SLC17A1: variants seen among roughly 807,000 people sequenced by gnomAD.
SLC17A1 encodes solute carrier family 17 member 1.
SLC17A1 carries 51 observed loss-of-function variants against 53.5 expected under a neutral mutation model. That is an observed-to-expected ratio of 0.95 (90% CI 0.76 to 1.20). SLC17A1 has a LOEUF of 1.20. SLC17A1 is among the 50% of genes most tolerant of loss of function. SLC17A1 has a pLI of 0.00. For missense variants in SLC17A1, 538 were observed against 568.2 expected (o/e 0.95, Z 0.54); for synonymous variants, 179 against 198.8 (o/e 0.90, Z 0.84).
chr6:25,780,675 G>A (rs1036683259), downstream of SLC17A1: 1 of 152,208 alleles, frequency 6.6e-6, no homozygotes, highest in Admixed American at 6.6e-5. Flanking sequence ...GAAGTGTCCT[G>A]GTTTTCAAAG....
the SLC17A1 span, among the ~76,000 whole-genome samples, chr6:25,733,806 A>ATGTGTGTGTGTGTGTGTG: frequency 2.2e-5 from 3 of 133,988 alleles, no homozygotes; most frequent in African/African-American, 8.4e-5. Context: ...GTGTGTGTGT[A>ATGTGTGTGTGTGTGTGTG]TGTGTGTGTG....
intron 2 of SLC17A1, among the ~76,000 whole-genome samples, chr6:25,828,446 T>C (rs565053718): frequency 2.0e-4 from 31 of 152,160 alleles, no homozygotes; most frequent in Non-Finnish European, 7.3e-5. Context: ...TTTTTATATC[T>C]ATTGAGATAA....
the SLC17A1 span, among the ~76,000 whole-genome samples, chr6:25,773,071 T>C: frequency 6.6e-6 from 1 of 152,200 alleles, no homozygotes; most frequent in Non-Finnish European, 1.5e-5. Context: ...CTCCATGCCA[T>C]TGGCAAAAGC....
intron 6 of SLC17A1, among the ~76,000 whole-genome samples, chr6:25,817,997 A>G (rs1008245734): frequency 6.6e-6 from 1 of 152,202 alleles, no homozygotes; most frequent in Non-Finnish European, 1.5e-5. Context: ...TGCCTCTGCC[A>G]TCTGCTCACT....
At position 25,811,649 on chromosome 6, in the gene SLC17A1, AAG is replaced by A; in HGVS notation, c.1017_1018del (p.Phe340HisfsTer59). 1 of 1,613,954 alleles carries A rather than the reference AAG, an allele frequency of 6.2e-7. No homozygotes were observed. The highest frequency in any genetic ancestry group is 8.5e-7 in the Non-Finnish European group (1 of 1,179,870). On this transcript the variant is annotated frameshift_variant, in exon 9 of 13. Coordinates refer to ENST00000244527, the MANE Select transcript of SLC17A1 (RefSeq NM_005074.5). LOFTEE classifies it high-confidence loss of function. The stretch of plus-strand genomic sequence containing the variant: ...TGGCTGTTGCTTACCTGCTGCTGTG[AAG>A]AGTTTCCGGACAGCAATTACGCTGA...
At chr6:25,759,863 T>C in the SLC17A1 span, among the ~76,000 whole-genome samples, 1 of 152,244 alleles carries the variant, frequency 6.6e-6, no homozygotes, top group Non-Finnish European at 1.5e-5. Context: ...AATTCTTTGA[T>C]AGCTGTATAG....
At chr6:25,810,089 G>A (rs1161724140) in intron 10 of SLC17A1, among the ~76,000 whole-genome samples, 5 of 151,858 alleles carry the variant, frequency 3.3e-5, no homozygotes, top group East Asian at 3.9e-4. Flanking sequence ...TACACTCATC[G>A]CGTGCCTTAT....
chr6:25,727,028 T>C, the SLC17A1 span: 10 of 1,614,254 alleles, frequency 6.2e-6, no homozygotes, highest in Non-Finnish European at 8.5e-6. Flanking sequence ...AGAGTTATTC[T>C]ATTTACATCT....
chr6:25,743,488 G>A, the SLC17A1 span, among the ~76,000 whole-genome samples: 3 of 152,114 alleles, frequency 2.0e-5, no homozygotes, highest in African/African-American at 7.2e-5. Flanking sequence ...CACCTTCTAT[G>A]TAATTCTGTG....
rs773536925 is a variant in SLC17A1 at position 25,831,981 on chromosome 6, C to A, written c.-51+13G>T. On this transcript the variant is annotated intron_variant, in intron 1 of 12. Coordinates refer to ENST00000244527, the MANE Select transcript of SLC17A1 (RefSeq NM_005074.5). The stretch of plus-strand genomic sequence containing the variant: ...TGATTGCTCATTTCATTTAATGAGC[C>A]CCGTAGACTAACCTGATTCGGGACA... The A allele has an allele frequency of 6.6e-6, 1 of 152,108 alleles. No homozygotes were observed. The allele number at this position is 152,108 out of a possible 1,614,324, so 9.4% of individuals were successfully genotyped here.
Position 25,819,157 on chromosome 6 carries a change from A to C in SLC17A1, c.530-3T>G. 1 of 1,599,402 alleles carries C rather than the reference A, an allele frequency of 6.3e-7. No individual in the cohort carries two copies. Among genetic ancestry groups the C allele is most frequent in the Non-Finnish European group, 8.5e-7 (1 of 1,172,510 alleles). On this transcript the variant is annotated splice_polypyrimidine_tract_variant and splice_region_variant and intron_variant, in intron 5 of 12. Coordinates refer to ENST00000244527, the MANE Select transcript of SLC17A1 (RefSeq NM_005074.5). ...AATAAAGGGTCCCAGCAAAAACCCTAATCAGTAGGTACAAAGAACACCCCT... is the reference window on the plus strand; with the variant it reads ...AATAAAGGGTCCCAGCAAAAACCCTCATCAGTAGGTACAAAGAACACCCCT...
Position 25,807,978 on chromosome 6 carries a change from T to C in SLC17A1, c.1178+3420A>G, listed in dbSNP as rs1055568683. ...AATGACTTCTTTTCCTCTGGGTAGA[T>C]ACCCAGTAGTGGGATTGCTGGGTCA... is the stretch of plus-strand genomic sequence containing the variant. On this transcript the variant is annotated intron_variant, in intron 10 of 12. Transcript: ENST00000244527. Among the ~76,000 whole-genome samples, 7 of 152,270 alleles carry C rather than the reference T, an allele frequency of 4.6e-5. No individual in the cohort carries two copies. In the South Asian group the frequency reaches 1.5e-3, roughly 32 times the overall value.
In SLC17A1 at chr6:25,811,436, C is replaced by T. The variant is rs368987995; in HGVS notation, c.1140G>A (p.Leu380=). 18 of 1,613,798 alleles carry T rather than the reference C, an allele frequency of 1.1e-5. No homozygotes were observed. Among genetic ancestry groups the T allele is most frequent in the Non-Finnish European group, 1.5e-5 (18 of 1,179,860 alleles). ...CCAAGCCATTTATAAACACTCCACC[C>T]AAGCAAAAGCTGCCTGTTGCACCAG... ...ILAGATGSFC[L]GGVFINGLDI... Residue 380 remains leucine, a synonymous_variant, in exon 10 of 13, where the codon TTG becomes TTA. Transcript: ENST00000244527.
the SLC17A1 span, among the ~76,000 whole-genome samples, chr6:25,740,181 T>G: frequency 3.9e-5 from 6 of 152,238 alleles, no homozygotes; most frequent in African/African-American, 9.6e-5. Flanking sequence ...TCAAATAACA[T>G]TATAAAAATA....
the SLC17A1 span, among the ~76,000 whole-genome samples, chr6:25,738,359 A>G: frequency 6.6e-6 from 1 of 152,186 alleles, no homozygotes; most frequent in Admixed American, 6.5e-5. Context: ...AGCAATAGGC[A>G]AAAATATGTA....
the SLC17A1 span, among the ~76,000 whole-genome samples, chr6:25,753,955 A>G: frequency 6.6e-6 from 1 of 152,212 alleles, no homozygotes; most frequent in African/African-American, 2.4e-5. Flanking sequence ...ATAAGGATTC[A>G]GCAAAACGTA....
intron 2 of SLC17A1, among the ~76,000 whole-genome samples, chr6:25,829,823 T>C (rs776689657): frequency 1.3e-5 from 2 of 151,734 alleles, no homozygotes; most frequent in Admixed American, 6.6e-5. Flanking sequence ...ACCCAAAAAG[T>C]CTAAAAGGAA....
Position 25,791,212 on chromosome 6 carries a change from T to G in SLC17A1, c.*2+7571A>C, listed in dbSNP as rs1763493888. On this transcript the variant is annotated intron_variant, in intron 12 of 12. Transcript: ENST00000244527. The stretch of plus-strand genomic sequence containing the variant: ...TACCAATTTCTCCCCATTGGATTTA[T>G]TGCAATTCAGTGCAACTCTAAAAAC... Among the ~76,000 whole-genome samples, 3 of 152,298 alleles carry G rather than the reference T, an allele frequency of 2.0e-5. No individual in the cohort carries two copies. The South Asian group carries it at 6.2e-4, about 32-fold the overall frequency.
Position 25,809,971 on chromosome 6 carries a change from G to A in SLC17A1, c.1178+1427C>T, listed in dbSNP as rs564037955. Among the ~76,000 whole-genome samples, 3 of 152,120 alleles carry A rather than the reference G, an allele frequency of 2.0e-5. No individual in the cohort carries two copies. In the South Asian group the frequency reaches 6.2e-4, roughly 32 times the overall value. ...TCCAGAAATAAATCCAACATTTAGG[G>A]TGAATTGATTTTTGACAGAGGTGCC... On this transcript the variant is annotated intron_variant, in intron 10 of 12. Coordinates refer to ENST00000244527, the MANE Select transcript of SLC17A1 (RefSeq NM_005074.5).
Sources: allele counts gnomAD v4.1 joint callset (sites outside exome capture counted in the v4.1 genomes callset), GRCh38; gene constraint gnomAD v4.1.1; transcripts MANE v1.5; gene names NCBI Gene and HGNC (gene_info 2026-07-23, HGNC 2026-07-21).